MTUS2: variants seen among roughly 807,000 people sequenced by gnomAD.
MTUS2 encodes microtubule-associated tumor suppressor candidate 2.
MTUS2 carries 40 observed loss-of-function variants against 114.1 expected under a neutral mutation model. That is an observed-to-expected ratio of 0.35 (90% CI 0.27 to 0.46). The LOEUF is 0.46. MTUS2 is among the 20% of genes least tolerant of loss of function. The pLI, the probability that MTUS2 is intolerant of heterozygous loss-of-function variation, is 1.00. For missense variants in MTUS2, 1,679 were observed against 1,705.4 expected (o/e 0.98, Z 0.27); for synonymous variants, 688 against 672.0 (o/e 1.02, Z -0.37).
At chr13:29,410,728 TA>T (rs914176427) in intron 8 of MTUS2, among the ~76,000 whole-genome samples, 1 of 152,190 alleles carries the variant, frequency 6.6e-6, no homozygotes, top group African/African-American at 2.4e-5. Context: ...TCCAAACTTA[TA>T]AAAAAATTAT....
intron 2 of MTUS2, among the ~76,000 whole-genome samples, chr13:28,945,297 A>ATT (rs1555276525): frequency 2.8e-5 from 1 of 35,910 alleles, no homozygotes; most frequent in Admixed American, 2.9e-4. Flanking sequence ...GAGGGAAGGT[A>ATT]TCTTCGATAT....
intron 1 of MTUS2, among the ~76,000 whole-genome samples, chr13:28,835,743 T>G (rs1441412744): frequency 6.6e-6 from 1 of 152,220 alleles, no homozygotes; most frequent in African/African-American, 2.4e-5. Context: ...TGCTCTGCCT[T>G]GCCCTGGTCC....
chr13:29,257,546 G>C (rs1397855881), intron 5 of MTUS2, among the ~76,000 whole-genome samples: 1 of 152,166 alleles, frequency 6.6e-6, no homozygotes, highest in Non-Finnish European at 1.5e-5. Flanking sequence ...GGAACTTAAC[G>C]TGAAGGAGGG....
intron 7 of MTUS2, among the ~76,000 whole-genome samples, chr13:29,330,736 G>C (rs1207179067): frequency 2.0e-5 from 3 of 152,192 alleles, no homozygotes; most frequent in Non-Finnish European, 2.9e-5. Context: ...TCAAAGATCA[G>C]ATGGTTGTAG....
At chr13:29,176,078 A>G (rs886903458) in intron 5 of MTUS2, among the ~76,000 whole-genome samples, 2 of 152,118 alleles carry the variant, frequency 1.3e-5, no homozygotes, top group African/African-American at 4.8e-5. Flanking sequence ...TGTGGATAAG[A>G]GAGAATATGA....
intron 5 of MTUS2, among the ~76,000 whole-genome samples, chr13:29,251,343 A>G (rs1470042543): frequency 6.6e-6 from 1 of 150,894 alleles, no homozygotes; most frequent in African/African-American, 2.5e-5. Flanking sequence ...TGGCATGGGC[A>G]TGAGGTTTTT....
At chr13:29,123,106 A>G (rs923549183) in intron 5 of MTUS2, among the ~76,000 whole-genome samples, 1 of 152,214 alleles carries the variant, frequency 6.6e-6, no homozygotes, top group Non-Finnish European at 1.5e-5. Context: ...CAGATTTTAA[A>G]AAAGCTTCCT....
intron 3 of MTUS2, among the ~76,000 whole-genome samples, chr13:29,031,700 T>C (rs1240282738): frequency 1.3e-5 from 2 of 151,966 alleles, no homozygotes; most frequent in African/African-American, 4.8e-5. Flanking sequence ...TAATCTAATA[T>C]AAGAAATACT....
At chr13:28,828,426 A>G (rs1408717629) in intron 1 of MTUS2, among the ~76,000 whole-genome samples, 1 of 152,232 alleles carries the variant, frequency 6.6e-6, no homozygotes, top group Non-Finnish European at 1.5e-5. Flanking sequence ...CAATTAAAGT[A>G]AAGACAGGCA....
At chr13:29,113,762 C>T (rs1487904317) in intron 5 of MTUS2, among the ~76,000 whole-genome samples, 1 of 151,998 alleles carries the variant, frequency 6.6e-6, no homozygotes, top group Non-Finnish European at 1.5e-5. Flanking sequence ...GGAGCTGCAC[C>T]ACATGAATTC....
At chr13:29,166,829 A>G (rs1893335198) in intron 5 of MTUS2, among the ~76,000 whole-genome samples, 1 of 152,068 alleles carries the variant, frequency 6.6e-6, no homozygotes, top group Non-Finnish European at 1.5e-5. Context: ...TATTGTCTTG[A>G]AAAAAAATTA....
At chr13:29,184,235 A>G (rs1894125952) in intron 5 of MTUS2, among the ~76,000 whole-genome samples, 1 of 152,220 alleles carries the variant, frequency 6.6e-6, no homozygotes, top group South Asian at 2.1e-4. Context: ...GATGTAACAT[A>G]TAACCCAACT....
chr13:28,836,856 T>G (rs1322523533), intron 1 of MTUS2, among the ~76,000 whole-genome samples: 1 of 152,170 alleles, frequency 6.6e-6, no homozygotes, highest in East Asian at 1.9e-4. Context: ...AGAATGCATT[T>G]CATATTAGGC....
At chr13:29,223,938 G>A (rs148767157) in intron 5 of MTUS2, among the ~76,000 whole-genome samples, 4 of 152,230 alleles carry the variant, frequency 2.6e-5, no homozygotes, top group Non-Finnish European at 4.4e-5. Flanking sequence ...AGCCTTGCAC[G>A]GAACCAGCGC....
chr13:29,156,288 C>T (rs1245777236), intron 5 of MTUS2, among the ~76,000 whole-genome samples: 3 of 152,114 alleles, frequency 2.0e-5, no homozygotes, highest in African/African-American at 7.2e-5. Context: ...GAATAAGTCA[C>T]AGTTGAGTCA....
At chr13:28,998,634 A>T (rs1045523196) in intron 2 of MTUS2, among the ~76,000 whole-genome samples, 3 of 151,984 alleles carry the variant, frequency 2.0e-5, no homozygotes, top group East Asian at 1.9e-4. Context: ...GCTTCATTTC[A>T]TTCATTTGAC....
intron 2 of MTUS2, among the ~76,000 whole-genome samples, chr13:29,007,302 C>T (rs544650358): frequency 1.3e-5 from 2 of 152,078 alleles, no homozygotes; most frequent in South Asian, 2.1e-4. Flanking sequence ...TCTGTCTGCC[C>T]ACCCCTCCCA....
chr13:29,438,472 G>A (rs1276478735), intron 8 of MTUS2, among the ~76,000 whole-genome samples: 1 of 152,142 alleles, frequency 6.6e-6, no homozygotes, highest in African/African-American at 2.4e-5. Context: ...TGTCAGGTGC[G>A]GGCCACTTTC....
At chr13:29,300,776 C>A (rs1899167046) in intron 6 of MTUS2, among the ~76,000 whole-genome samples, 1 of 152,156 alleles carries the variant, frequency 6.6e-6, no homozygotes, top group Admixed American at 6.5e-5. Flanking sequence ...GAAATGAATG[C>A]AACCTAATTC....
Sources: allele counts gnomAD v4.1 joint callset (sites outside exome capture counted in the v4.1 genomes callset), GRCh38; gene constraint gnomAD v4.1.1; transcripts MANE v1.5; gene names NCBI Gene and HGNC (gene_info 2026-07-23, HGNC 2026-07-21).